The following PDGFD variants were observed in gnomAD, a reference collection of about 807,000 sequenced individuals.
PDGFD encodes the protein platelet-derived growth factor D.
A neutral mutation model predicts 44.7 loss-of-function variants in PDGFD; 30 were observed. The observed-to-expected ratio is 0.67, with a 90% CI of 0.50 to 0.91. PDGFD has a LOEUF of 0.91. Among genes scored for constraint, PDGFD ranks in the 40% least tolerant of loss-of-function variants. PDGFD has a pLI of 0.00. For missense variants in PDGFD, 445 were observed against 457.8 expected (o/e 0.97, Z 0.25); for synonymous variants, 173 against 168.4 (o/e 1.03, Z -0.21).
chr11:104,072,747 T>C (rs932693927), intron 1 of PDGFD, among the ~76,000 whole-genome samples: 1 of 151,990 alleles, frequency 6.6e-6, no homozygotes, highest in African/African-American at 2.4e-5. Flanking sequence ...TCCCACTAAT[T>C]TCTATTTTGA....
At chr11:104,095,309 C>T (rs1861268727) in intron 1 of PDGFD, among the ~76,000 whole-genome samples, 1 of 151,968 alleles carries the variant, frequency 6.6e-6, no homozygotes, top group African/African-American at 2.4e-5. Context: ...ACTGTATACG[C>T]AGCACTTAGC....
intron 1 of PDGFD, among the ~76,000 whole-genome samples, chr11:104,017,161 G>T (rs1042651238): frequency 1.3e-5 from 2 of 152,122 alleles, no homozygotes; most frequent in African/African-American, 4.8e-5. Flanking sequence ...CTATACATCA[G>T]GTAACAGGCT....
chr11:104,017,773 G>C (rs1474231472), intron 1 of PDGFD, among the ~76,000 whole-genome samples: 2 of 152,166 alleles, frequency 1.3e-5, no homozygotes, highest in African/African-American at 2.4e-5. Context: ...TTGTGAGGGA[G>C]ACCTAAAGCC....
At chr11:104,072,317 G>GTGCAAA (rs1394421721) in intron 1 of PDGFD, among the ~76,000 whole-genome samples, 6 of 151,606 alleles carry the variant, frequency 4.0e-5, no homozygotes, top group African/African-American at 1.5e-4. Flanking sequence ...CACATTCTTT[G>GTGCAAA]TTAAATTTTT....
chr11:104,162,877 A>G (rs1297441945), intron 1 of PDGFD, among the ~76,000 whole-genome samples: 1 of 152,144 alleles, frequency 6.6e-6, no homozygotes, highest in Non-Finnish European at 1.5e-5. Flanking sequence ...GTAGGAAAAA[A>G]CAAGATCCAA....
chr11:103,911,009 C>G (rs565902206), intron 6 of PDGFD, among the ~76,000 whole-genome samples: 1 of 152,332 alleles, frequency 6.6e-6, no homozygotes, highest in South Asian at 2.1e-4. Context: ...TCAGCAAGGC[C>G]GCTGTGGCCA....
chr11:104,052,290 A>G (rs546815843), intron 1 of PDGFD, among the ~76,000 whole-genome samples: 14 of 152,312 alleles, frequency 9.2e-5, no homozygotes, highest in African/African-American at 3.1e-4. Context: ...AGTGAAAACA[A>G]TAAGTAAAAC....
At chr11:104,144,142 C>G (rs927963007) in intron 1 of PDGFD, among the ~76,000 whole-genome samples, 2 of 152,028 alleles carry the variant, frequency 1.3e-5, no homozygotes, top group Non-Finnish European at 2.9e-5. Flanking sequence ...GAGGTTAAGA[C>G]TATAAATAAA....
intron 1 of PDGFD, among the ~76,000 whole-genome samples, chr11:104,055,733 T>G (rs971215960): frequency 4.6e-5 from 7 of 152,128 alleles, no homozygotes; most frequent in Admixed American, 3.3e-4. Flanking sequence ...CCAGTTTGAG[T>G]GCTTTGAAGG....
intron 3 of PDGFD, among the ~76,000 whole-genome samples, chr11:103,960,343 G>C (rs1858916430): frequency 1.3e-5 from 2 of 152,138 alleles, no homozygotes; most frequent in African/African-American, 4.8e-5. Context: ...ATATTCTTTG[G>C]ACATGGATTT....
rs185576900 is a variant in PDGFD at position 104,145,675 on chromosome 11, T to C, written c.124+18129A>G. On this transcript the variant is annotated intron_variant, in intron 1 of 6. Transcript: ENST00000393158. ...TATTTTATTTTCATTCTTTGTGAAA[T>C]AGTTCAGTTTTCTCACTTATATCAA... 5.9e-5 allele frequency among the ~76,000 whole-genome samples: 9 copies of C among 152,330 alleles called. No homozygotes were observed. In the East Asian group the frequency reaches 1.5e-3, roughly 26 times the overall value.
intron 6 of PDGFD, among the ~76,000 whole-genome samples, chr11:103,915,263 A>G (rs1462486463): frequency 6.6e-6 from 1 of 152,214 alleles, no homozygotes; most frequent in African/African-American, 2.4e-5. Flanking sequence ...AGGACACAAA[A>G]TCAATGTGCA....
chr11:103,934,617 G>A (rs528529248), intron 5 of PDGFD, among the ~76,000 whole-genome samples: 8 of 152,192 alleles, frequency 5.3e-5, no homozygotes, highest in Non-Finnish European at 7.4e-5. Context: ...GGCAGAAGGC[G>A]AAGGAGAAGC....
At chr11:104,129,950 AG>A (rs1861894117) in intron 1 of PDGFD, among the ~76,000 whole-genome samples, 4 of 149,970 alleles carry the variant, frequency 2.7e-5, no homozygotes, top group South Asian at 4.3e-4. Context: ...CAGAGGGTGC[AG>A]TGAGCCAAGA....
chr11:104,038,153 T>C, intron 1 of PDGFD: 2 of 817,286 alleles, frequency 2.4e-6, no homozygotes, highest in South Asian at 3.8e-5. Flanking sequence ...CTCAGATGGG[T>C]AACTAACGTC....
At chr11:103,912,482 A>C (rs529971623) in intron 6 of PDGFD, among the ~76,000 whole-genome samples, 10 of 152,334 alleles carry the variant, frequency 6.6e-5, no homozygotes, top group African/African-American at 2.4e-4. Flanking sequence ...TGAAGGAAGC[A>C]CCAACATGGA....
At chr11:103,941,731 A>T (rs917525743) in intron 5 of PDGFD, among the ~76,000 whole-genome samples, 2 of 152,110 alleles carry the variant, frequency 1.3e-5, no homozygotes, top group African/African-American at 4.8e-5. Context: ...TAATGGATTT[A>T]GGTGATTTCA....
chr11:104,073,269 T>G lies in PDGFD; in HGVS notation c.125-73014A>C, dbSNP rs543338388. On this transcript the variant is annotated intron_variant, in intron 1 of 6. Transcript: ENST00000393158. ...AAACAATGCAAGTGCCTGTAAATGG[T>G]AAATGGCTGTAATAATTGCAATTTA... 5.3e-5 allele frequency among the ~76,000 whole-genome samples: 8 copies of G among 152,294 alleles called. No individual in the cohort carries two copies. The South Asian group carries it at 1.7e-3, about 32-fold the overall frequency.
chr11:103,963,411 C>T (rs950234112), intron 3 of PDGFD, among the ~76,000 whole-genome samples: 9 of 152,142 alleles, frequency 5.9e-5, no homozygotes, highest in African/African-American at 2.2e-4. Context: ...TCATTTCTAT[C>T]ATCATTAGAT....
Sources: gnomAD v4.1 joint callset for allele counts (sites outside exome capture counted in the v4.1 genomes callset) on GRCh38, gnomAD v4.1.1 for gene constraint, MANE v1.5 for transcripts, NCBI Gene and HGNC (gene_info 2026-07-23, HGNC 2026-07-21) for gene names.